Variants in EXOC6B observed in about 807,000 individuals in gnomAD.
EXOC6B encodes SEC15 homolog B.
In EXOC6B, 54 loss-of-function variants were observed where a neutral mutation model predicts 113.5. That is an observed-to-expected ratio of 0.48 (90% CI 0.38 to 0.60). EXOC6B has a LOEUF of 0.60. Ranked by LOEUF, EXOC6B falls within the 20% of genes least tolerant of loss-of-function variation. The pLI is 0.00. For missense variants in EXOC6B, 797 were observed against 977.5 expected, an observed-to-expected ratio of 0.82 and a Z score of 2.46; for synonymous variants, 357 against 339.0, an observed-to-expected ratio of 1.05 and a Z score of -0.58.
At chr2:72,742,038 C>T (rs2095280120) in intron 1 of EXOC6B, among the ~76,000 whole-genome samples, 2 of 152,232 alleles carry the variant, frequency 1.3e-5, no homozygotes, top group Non-Finnish European at 2.9e-5. Flanking sequence ...TCAGCCTCAG[C>T]TGCTGATCTG....
intron 15 of EXOC6B, among the ~76,000 whole-genome samples, chr2:72,494,644 A>G (rs1337693013): frequency 6.6e-6 from 1 of 152,156 alleles, no homozygotes; most frequent in Non-Finnish European, 1.5e-5. Flanking sequence ...TGTGTTGAAC[A>G]AAGATAAAAT....
At position 72,634,427 on chromosome 2, in the gene EXOC6B, T is replaced by C. The variant is rs535738292; in HGVS notation, c.670-58759A>G. Among the ~76,000 whole-genome samples the C allele has an allele frequency of 3.9e-5, 6 of 152,302 alleles. No homozygotes were observed. In the Middle Eastern group the frequency reaches 0.01, roughly 259 times the overall value. On this transcript the variant is annotated intron_variant, in intron 6 of 21. Transcript: ENST00000272427. ...CCAAGTAGGAAGCCAAGACTTCCAA[T>C]GCCTCCAGGCTATAATTTGGTGCTC...
chr2:72,795,677 C>T (rs1208926712), intron 1 of EXOC6B, among the ~76,000 whole-genome samples: 1 of 152,280 alleles, frequency 6.6e-6, no homozygotes, highest in South Asian at 2.1e-4. Context: ...TGCCCATGTC[C>T]TAATCACTGG....
At chr2:72,493,738 C>T (rs947999291) in intron 15 of EXOC6B, among the ~76,000 whole-genome samples, 13 of 151,932 alleles carry the variant, frequency 8.6e-5, no homozygotes, top group Admixed American at 3.9e-4. Flanking sequence ...GAAAGTTTTA[C>T]GTATTCAGAA....
At chr2:72,313,443 G>T (rs1687330154) in intron 20 of EXOC6B, among the ~76,000 whole-genome samples, 1 of 152,114 alleles carries the variant, frequency 6.6e-6, no homozygotes, top group African/African-American at 2.4e-5. Context: ...AAAGCAATGA[G>T]CTGATTTTGT....
intron 20 of EXOC6B, among the ~76,000 whole-genome samples, chr2:72,226,174 T>C (rs1282616326): frequency 2.6e-5 from 4 of 152,274 alleles, no homozygotes; most frequent in East Asian, 1.9e-4. Flanking sequence ...TAAGGAGATA[T>C]GATGATTGAA....
intron 6 of EXOC6B, among the ~76,000 whole-genome samples, chr2:72,602,243 T>G (rs1340510927): frequency 6.6e-6 from 1 of 152,222 alleles, no homozygotes; most frequent in Non-Finnish European, 1.5e-5. Context: ...CATGAATGTC[T>G]TGGTCAGCTT....
chr2:72,719,096 T>C (rs774629535), intron 5 of EXOC6B, among the ~76,000 whole-genome samples: 2 of 152,182 alleles, frequency 1.3e-5, no homozygotes, highest in Non-Finnish European at 2.9e-5. Flanking sequence ...TGGGACTCTG[T>C]AGCTTTCTTG....
At chr2:72,603,729 C>T (rs905978046) in intron 6 of EXOC6B, among the ~76,000 whole-genome samples, 1 of 152,122 alleles carries the variant, frequency 6.6e-6, no homozygotes, top group African/African-American at 2.4e-5. Context: ...TGCTTTGCGG[C>T]CCACTGTCAA....
intron 18 of EXOC6B, among the ~76,000 whole-genome samples, chr2:72,440,379 G>T (rs2105328440): frequency 6.6e-6 from 1 of 152,304 alleles, no homozygotes; most frequent in Admixed American, 6.5e-5. Context: ...GCCAGAAGAG[G>T]CTGGGGGGCC....
At chr2:72,399,890 T>C (rs1693025841) in intron 18 of EXOC6B, among the ~76,000 whole-genome samples, 1 of 152,142 alleles carries the variant, frequency 6.6e-6, no homozygotes, top group Non-Finnish European at 1.5e-5. Context: ...GCAATTTCTA[T>C]CAAAATGCCA....
intron 6 of EXOC6B, among the ~76,000 whole-genome samples, chr2:72,596,450 G>A (rs1243952094): frequency 6.6e-6 from 1 of 152,118 alleles, no homozygotes; most frequent in Admixed American, 6.5e-5. Flanking sequence ...ACCTTTAGGA[G>A]CTTTCCAAGG....
intron 18 of EXOC6B, among the ~76,000 whole-genome samples, chr2:72,440,210 T>C (rs1468804474): frequency 6.6e-6 from 1 of 152,154 alleles, no homozygotes; most frequent in African/African-American, 2.4e-5. Context: ...AGAGGAATTG[T>C]GCTGTGCTGG....
At chr2:72,262,864 A>T (rs1266251470) in intron 20 of EXOC6B, among the ~76,000 whole-genome samples, 3 of 152,224 alleles carry the variant, frequency 2.0e-5, no homozygotes, top group Admixed American at 2.0e-4. Context: ...TTCACAAAAA[A>T]AGAGAATAAG....
chr2:72,306,092 G>A (rs982780385), intron 20 of EXOC6B, among the ~76,000 whole-genome samples: 57 of 151,698 alleles, frequency 3.8e-4, no homozygotes, highest in Non-Finnish European at 2.8e-4. Flanking sequence ...CTTCCTACCC[G>A]GACAGGCTGA....
chr2:72,823,468 AAAAAAAAAAACAAAAAAC>A (rs1261679688), intron 1 of EXOC6B, among the ~76,000 whole-genome samples: 12 of 137,132 alleles, frequency 8.8e-5, no homozygotes, highest in Admixed American at 2.2e-4. Flanking sequence ...AGAAAAAAAA[AAAAAAAAAAACAAAAAAC>A]AAAAAAAAAG....
chr2:72,579,784 A>G (rs951506282), intron 6 of EXOC6B, among the ~76,000 whole-genome samples: 23 of 152,182 alleles, frequency 1.5e-4, no homozygotes, highest in Non-Finnish European at 4.4e-5. Context: ...CTAGTGGATT[A>G]GAGGCATACA....
At chr2:72,674,259 T>C (rs1424629223) in intron 6 of EXOC6B, among the ~76,000 whole-genome samples, 1 of 152,140 alleles carries the variant, frequency 6.6e-6, no homozygotes, top group Admixed American at 6.5e-5. Context: ...TCAAGCATAC[T>C]CCCAATCTCA....
chr2:72,384,820 G>T (rs892816463), intron 18 of EXOC6B, among the ~76,000 whole-genome samples: 3 of 151,896 alleles, frequency 2.0e-5, no homozygotes, highest in African/African-American at 7.2e-5. Context: ...TAAAATATTT[G>T]TATATTTAAA....
Sources: allele counts gnomAD v4.1 joint callset (sites outside exome capture counted in the v4.1 genomes callset), GRCh38; gene constraint gnomAD v4.1.1; transcripts MANE v1.5; gene names NCBI Gene and HGNC (gene_info 2026-07-23, HGNC 2026-07-21).